Variants in HMGXB4 observed in about 807,000 individuals in gnomAD.
The protein encoded by HMGXB4 is HMG domain-containing protein 4.
Under a neutral mutation model 63.9 loss-of-function variants are expected in HMGXB4, and 27 were observed. The ratio of observed to expected loss-of-function variants is 0.42; its 90% CI spans 0.31 to 0.58. HMGXB4 has a LOEUF of 0.58. HMGXB4 is among the 20% of genes least tolerant of loss of function. The pLI, the probability that HMGXB4 is intolerant of heterozygous loss-of-function variation, is 0.13. For synonymous variants in HMGXB4, 264 were observed against 265.3 expected, an observed-to-expected ratio of 0.99 and a Z score of 0.05; for missense variants, 624 against 700.7, an observed-to-expected ratio of 0.89 and a Z score of 1.24.
chr22:35,275,086 C>T (rs1006612218), intron 5 of HMGXB4, among the ~76,000 whole-genome samples: 2 of 146,160 alleles, frequency 1.4e-5, no homozygotes, highest in Admixed American at 6.9e-5. Flanking sequence ...GTGGCTCGTA[C>T]GTAGTATTAA....
chr22:35,268,285 A>G (rs556360110), intron 5 of HMGXB4, among the ~76,000 whole-genome samples: 1 of 152,076 alleles, frequency 6.6e-6, no homozygotes, highest in Non-Finnish European at 1.5e-5. Context: ...TTCCAGTCTT[A>G]TCGTTCACTT....
intron 5 of HMGXB4, among the ~76,000 whole-genome samples, chr22:35,270,541 C>T (rs1430757220): frequency 1.3e-5 from 2 of 152,210 alleles, no homozygotes; most frequent in African/African-American, 2.4e-5. Flanking sequence ...TTGTTTTCCA[C>T]GAAACCGGTA....
upstream of HMGXB4, among the ~76,000 whole-genome samples, chr22:35,253,397 A>G (rs1326734858): frequency 6.6e-6 from 1 of 152,188 alleles, no homozygotes; most frequent in Non-Finnish European, 1.5e-5. Flanking sequence ...ACAGAAGATA[A>G]TAAGTTGCTC....
rs150944787 is a variant in HMGXB4 at position 35,265,041 on chromosome 22, C to T, written c.653C>T (p.Ala218Val). The T allele has an allele frequency of 5.3e-5, 85 of 1,613,658 alleles. No homozygotes were observed. Among genetic ancestry groups the T allele is most frequent in the African/African-American group, 2.5e-4 (19 of 74,882 alleles). The change falls in exon 5 of 11, where the codon GCG becomes GTG. Residue 218 changes from alanine (A) to valine (V), a missense_variant. Physicochemically the swap from Ala to Val is moderately conservative, Grantham distance 64 (BLOSUM62 0). Coordinates refer to ENST00000216106, the MANE Select transcript of HMGXB4 (RefSeq NM_001003681.3). ...EESFQYPSQQ[A>V]TVKKSSKKSA... ...TCTTTTCAATATCCCTCCCAACAAG[C>T]GACTGTGAAAAAATCCTCAAAGAAA...
chr22:35,243,695 C>A, the HMGXB4 span, among the ~76,000 whole-genome samples: 84 of 152,098 alleles, frequency 5.5e-4, 1 homozygote, highest in Middle Eastern at 6.8e-3. Flanking sequence ...AGGCATATGC[C>A]ACCACGCCCG....
intron 9 of HMGXB4, among the ~76,000 whole-genome samples, chr22:35,289,385 G>C (rs938032924): frequency 6.6e-6 from 1 of 152,102 alleles, no homozygotes; most frequent in African/African-American, 2.4e-5. Context: ...CTTGAGCCCA[G>C]GAGCTCAAAG....
chr22:35,260,477 C>T (rs764774358), intron 1 of HMGXB4, among the ~76,000 whole-genome samples: 4 of 152,198 alleles, frequency 2.6e-5, no homozygotes, highest in Non-Finnish European at 4.4e-5. Flanking sequence ...CAGTAGTTTC[C>T]GCTGAGAAAG....
the HMGXB4 span, among the ~76,000 whole-genome samples, chr22:35,247,463 G>A: frequency 1.3e-5 from 2 of 152,150 alleles, no homozygotes; most frequent in African/African-American, 4.8e-5. Context: ...GATGCAAGAG[G>A]GACTCTCACA....
At chr22:35,281,585 A>G (rs5755686) in intron 5 of HMGXB4, among the ~76,000 whole-genome samples, 77,638 of 151,630 alleles carry the variant, frequency 0.51, 22,667 homozygotes, top group Non-Finnish European at 0.65. Context: ...GTTGTTAAAC[A>G]CCTTCCTTGT....
the HMGXB4 span, among the ~76,000 whole-genome samples, chr22:35,245,843 C>A: frequency 6.6e-6 from 1 of 152,148 alleles, no homozygotes; most frequent in African/African-American, 2.4e-5. Flanking sequence ...TTCTGCTGCT[C>A]TCTCCTGGGT....
intron 5 of HMGXB4, among the ~76,000 whole-genome samples, chr22:35,274,371 A>G (rs186385471): frequency 6.6e-6 from 1 of 152,354 alleles, no homozygotes; most frequent in Admixed American, 6.5e-5. Flanking sequence ...AGTCAGCGAA[A>G]GGTATGTAGA....
At chr22:35,270,983 G>A (rs1047689300) in intron 5 of HMGXB4, among the ~76,000 whole-genome samples, 1 of 152,122 alleles carries the variant, frequency 6.6e-6, no homozygotes, top group African/African-American at 2.4e-5. Context: ...TCAGGGACAG[G>A]CAGGCGCAAT....
rs1473116288 is a variant in HMGXB4, at chr22:35,293,763, A to G, written c.*112A>G. ...CTGGCTGTAGGTTTTAAATTTTTAT[A>G]TCTATACATACATATATACATATAT... is the stretch of plus-strand genomic sequence containing the variant. On this transcript the variant is annotated 3_prime_UTR_variant, in exon 11 of 11. Coordinates refer to ENST00000216106, the MANE Select transcript of HMGXB4 (RefSeq NM_001003681.3). The G allele has an allele frequency of 3.0e-6, 2 of 664,784 alleles. No homozygotes were observed. The highest frequency in any genetic ancestry group is 2.8e-5 in the East Asian group (1 of 36,300). 41.2% of individuals were successfully genotyped at this position (664,784 alleles called of 1,614,324 possible). A position where few individuals can be genotyped will look rare whatever the true frequency, so the allele number is the denominator to read the frequency against.
chr22:35,247,493 C>T, the HMGXB4 span, among the ~76,000 whole-genome samples: 1 of 152,306 alleles, frequency 6.6e-6, no homozygotes, highest in East Asian at 1.9e-4. Context: ...ACTGTCTTTC[C>T]AGTTAGCGCT....
At chr22:35,290,985 C>T (rs1028984826) in intron 9 of HMGXB4, among the ~76,000 whole-genome samples, 2 of 152,050 alleles carry the variant, frequency 1.3e-5, no homozygotes, top group African/African-American at 4.8e-5. Flanking sequence ...GGCTAGAGGC[C>T]GAGCACTGTT....
intron 1 of HMGXB4, among the ~76,000 whole-genome samples, chr22:35,259,026 A>T (rs1922659461): frequency 6.6e-6 from 1 of 152,244 alleles, no homozygotes; most frequent in South Asian, 2.1e-4. Context: ...TCAAAATGAC[A>T]AAGTGCTATA....
At chr22:35,291,902 A>G (rs145661871) in intron 9 of HMGXB4, among the ~76,000 whole-genome samples, 48 of 152,272 alleles carry the variant, frequency 3.2e-4, no homozygotes, top group African/African-American at 1.1e-3. Context: ...CTCAGAAAGT[A>G]TAGGGGGGAG....
At position 35,288,275 on chromosome 22, in the gene HMGXB4, C is replaced by A. The variant is rs760126632; in HGVS notation, c.1506C>A (p.Ser502=). ...GAGTACTGTCACCCCAGAAGAAGTC[C>A]CCACCCACCACCATGCTGTTACCAG... ...SVGVLSPQKK[S]PPTTMLLPAS... Residue 502 remains serine (S), a synonymous_variant, in exon 9 of 11, where the codon TCC becomes TCA. Coordinates refer to ENST00000216106, the MANE Select transcript of HMGXB4 (RefSeq NM_001003681.3). 6.2e-7 allele frequency: 1 copy of A among 1,602,276 alleles called. No individual in the cohort carries two copies. The highest frequency in any genetic ancestry group is 8.5e-7 in the Non-Finnish European group (1 of 1,174,036).
chr22:35,265,073 C>T lies in HMGXB4; in HGVS notation c.685C>T (p.Arg229Trp), dbSNP rs538821671. 10 of 1,614,098 alleles carry T rather than the reference C, an allele frequency of 6.2e-6. No homozygotes were observed. The African/African-American group carries it at 8.0e-5, about 13-fold the overall frequency. Residue 229 changes from arginine (R) to tryptophan (W), a missense_variant, in exon 5 of 11, where the codon CGG becomes TGG. By Grantham distance (101) the Arg-to-Trp change is moderately radical. Transcript: ENST00000216106. ...TVKKSSKKSA[R>W]DEQGALLLGH... ...GAAAAAATCCTCAAAGAAATCAGCT[C>T]GGGATGAGCAGGGTGCTTTACTCCT...
Sources: gnomAD v4.1 joint callset for allele counts (sites outside exome capture counted in the v4.1 genomes callset) on GRCh38, gnomAD v4.1.1 for gene constraint, MANE v1.5 for transcripts, NCBI Gene and HGNC (gene_info 2026-07-23, HGNC 2026-07-21) for gene names.